Variants in NEB observed in about 807,000 individuals in gnomAD.
NEB encodes the protein nebulin.
Under a neutral mutation model 952.2 loss-of-function variants are expected in NEB, and 512 were observed. The ratio of observed to expected loss-of-function variants is 0.54; its 90% CI spans 0.50 to 0.58. The LOEUF (loss-of-function observed/expected upper bound fraction) is 0.58. Among genes scored for constraint, NEB ranks in the 20% least tolerant of loss-of-function variants. NEB has a pLI of 0.00. For missense variants in NEB, 8,428 were observed against 9,231.1 expected, an observed-to-expected ratio of 0.91 and a Z score of 3.56; for synonymous variants, 2,900 against 3,149.8, an observed-to-expected ratio of 0.92 and a Z score of 2.66.
Position 151,583,572 on chromosome 2 carries a change from C to T in NEB, c.15858G>A (p.Lys5286=). The change falls in exon 101 of 182, where the codon AAG becomes AAA. Residue 5286 remains lysine, a synonymous_variant. Coordinates refer to ENST00000397345, the MANE Select transcript of NEB (RefSeq NM_001164508.2). Reference sequence around the variant, plus strand: ...TGTCGCTAACCAGGACCTGGCATTTCTTGGCTTGAACAATTGACATCATGT... The same window carrying T: ...TGTCGCTAACCAGGACCTGGCATTTTTTGGCTTGAACAATTGACATCATGT... ...PLDMMSIVQA[K]KCQVLVSDID... is the part of the protein sequence containing the mutation. 2.5e-6 allele frequency: 1 copy of T among 392,828 alleles called. No homozygotes were observed. The allele number at this position is 392,828 out of a possible 1,614,324, so 24.3% of individuals were successfully genotyped here.
At chr2:151,521,844 G>A (rs1466232365) in intron 153 of NEB, among the ~76,000 whole-genome samples, 1 of 152,162 alleles carries the variant, frequency 6.6e-6, no homozygotes, top group Non-Finnish European at 1.5e-5. Context: ...ATGAATCTGA[G>A]TTCAGCACTT....
rs1408540168 is a variant in NEB, at chr2:151,489,989, A to G, written c.25386T>C (p.Ser8462=). ...TQQTTVSSIP[S]HPSTAGKIFR... The stretch of plus-strand genomic sequence containing the variant: ...CACTTACTCCAGCAGTAGATGGATG[A>G]GATGGGATGGAAGATACCGTTGTCT... Residue 8462 remains serine (S), a synonymous_variant, in exon 181 of 182, where the codon TCT becomes TCC. Coordinates refer to ENST00000397345, the MANE Select transcript of NEB (RefSeq NM_001164508.2). 2 of 1,604,342 alleles carry G rather than the reference A, an allele frequency of 1.2e-6. No individual in the cohort carries two copies. Among genetic ancestry groups the G allele is most frequent in the South Asian group, 2.2e-5 (2 of 90,880 alleles).
In NEB at chr2:151,571,934, A is replaced by AT. The variant is rs771618392; in HGVS notation, c.17014-1334dup. ...GTAAGCATGGACAGGTTTTATATGA[A>AT]TTTTCAATCAAGCTTTTGTATAAAT... On this transcript the variant is annotated intron_variant, in intron 107 of 181. Coordinates refer to ENST00000397345, the MANE Select transcript of NEB (RefSeq NM_001164508.2). 6.6e-5 allele frequency among the ~76,000 whole-genome samples: 10 copies of AT among 152,294 alleles called. No homozygotes were observed. In the East Asian group the frequency reaches 1.9e-3, roughly 29 times the overall value.
At chr2:151,521,690 G>A (rs550390253) in intron 153 of NEB, among the ~76,000 whole-genome samples, 11 of 152,128 alleles carry the variant, frequency 7.2e-5, no homozygotes, top group Non-Finnish European at 1.5e-4. Context: ...TATTTTTCAA[G>A]CAGCAATCCC....
chr2:151,503,972 T>C (rs985304385), intron 165 of NEB, among the ~76,000 whole-genome samples: 2 of 152,154 alleles, frequency 1.3e-5, no homozygotes, highest in African/African-American at 4.8e-5. Flanking sequence ...AGGAAGAGCA[T>C]CTTTACCTGA....
Position 151,541,449 on chromosome 2 carries a change from G to T in NEB, c.20680C>A (p.Gln6894Lys). Reference sequence around the variant, plus strand: ...GGCTTATGAACCTCTGAGCTTACCTGACTCTGAAGCTTCTGCCCTCGCTTG... The same window carrying T: ...GGCTTATGAACCTCTGAGCTTACCTTACTCTGAAGCTTCTGCCCTCGCTTG... ...RAKRGQKLQSQYLYVELATKE... is the reference protein window; with the variant it reads ...RAKRGQKLQSKYLYVELATKE... Residue 6894 changes from glutamine (Q) to lysine (K), a missense_variant and splice_region_variant, in exon 136 of 182, where the codon CAG becomes AAG. By Grantham distance (53) the Gln-to-Lys change is moderately conservative. Coordinates refer to ENST00000397345, the MANE Select transcript of NEB (RefSeq NM_001164508.2). The T allele has an allele frequency of 6.2e-7, 1 of 1,610,454 alleles. No individual in the cohort carries two copies. Among genetic ancestry groups the T allele is most frequent in the South Asian group, 1.1e-5 (1 of 90,442 alleles).
intron 162 of NEB, 183 bp from the exon 163 acceptor site, chr2:151,507,196 A>T: frequency 1.8e-6 from 1 of 551,250 alleles, no homozygotes; most frequent in South Asian, 2.3e-5. Context: ...AACTAATTTT[A>T]AAAAACATAT....
chr2:151,500,181 G>T (rs1418192953), intron 168 of NEB, among the ~76,000 whole-genome samples: 1 of 152,078 alleles, frequency 6.6e-6, no homozygotes, highest in Admixed American at 6.6e-5. Context: ...GATTGTTAGT[G>T]AATAGTAATT....
chr2:151,717,291 A>G (rs561358756), intron 10 of NEB, 125 bp downstream of exon 10: 971 of 719,616 alleles, frequency 1.3e-3, no homozygotes, highest in Admixed American at 2.2e-3. Flanking sequence ...TTTGGGGATC[A>G]TATGTAAAAA....
chr2:151,514,362 G>T lies in NEB; in HGVS notation c.23083C>A (p.Pro7695Thr), dbSNP rs757006805. The change falls in exon 159 of 182, where the codon CCT (proline) becomes ACT (threonine). Residue 7695 changes from proline to threonine, a missense_variant. Physicochemically the swap from Pro to Thr is conservative, Grantham distance 38. Around this residue, in one of 11 missense-constraint regions of NEB, gnomAD observed 3,374 missense variants for 3,651.5 expected, o/e 0.92. Coordinates refer to ENST00000397345, the MANE Select transcript of NEB (RefSeq NM_001164508.2). The part of the protein sequence containing the change: ...GKGLTEMEDT[P>T]DMLRAKNATQ... ...GCATTCTTTGCTCTTAGCATGTCAG[G>T]TGTATCTTCCATTTCAGTGAGGCCC... 1.6e-5 allele frequency: 26 copies of T among 1,613,682 alleles called. No homozygotes were observed. Among genetic ancestry groups the T allele is most frequent in the Admixed American group, 3.3e-5 (2 of 60,002 alleles).
At position 151,515,543 on chromosome 2, in the gene NEB, C is replaced by T. The variant is rs567311565; in HGVS notation, c.22906-615G>A. Among the ~76,000 whole-genome samples, 3 of 152,222 alleles carry T rather than the reference C, an allele frequency of 2.0e-5. No individual in the cohort carries two copies. In the East Asian group the frequency reaches 5.8e-4, roughly 29 times the overall value. On this transcript the variant is annotated intron_variant, in intron 157 of 181. Transcript: ENST00000397345. The stretch of plus-strand genomic sequence containing the variant: ...CTGTTTTTTAAAAATCACTGAATAG[C>T]TTAGGTGGGCAGTGAGGCACAGAGG...
chr2:151,497,598 T>C, intron 171 of NEB, 28 bp downstream of exon 171: 3 of 1,546,534 alleles, frequency 1.9e-6, no homozygotes, highest in Non-Finnish European at 2.6e-6. Flanking sequence ...ATTAAATAAG[T>C]AGTTTTTTTC....
At position 151,547,627 on chromosome 2, in the gene NEB, T is replaced by C; in HGVS notation, c.20262+7A>G. 6.2e-7 allele frequency: 1 copy of C among 1,612,968 alleles called. No homozygotes were observed. Among genetic ancestry groups the C allele is most frequent in the Non-Finnish European group, 8.5e-7 (1 of 1,179,128 alleles). On this transcript the variant is annotated splice_region_variant and intron_variant, in intron 132 of 181. Coordinates refer to ENST00000397345, the MANE Select transcript of NEB (RefSeq NM_001164508.2). ...CTACTCCCTGTCTTTCCTAAGAAAA[T>C]ACCCACCTCACTGACAGCCTCTTGT...
intron 12 of NEB, 141 bp downstream of exon 12, chr2:151,709,515 C>T: frequency 1.7e-6 from 1 of 582,418 alleles, no homozygotes; most frequent in Non-Finnish European, 3.0e-6. Flanking sequence ...TTTCAAATGC[C>T]TCACATCCAC....
chr2:151,673,243 A>C (rs1357520313), intron 36 of NEB, among the ~76,000 whole-genome samples: 2 of 152,242 alleles, frequency 1.3e-5, no homozygotes, highest in African/African-American at 2.4e-5. Context: ...TGCTGGAATC[A>C]GCAATGTGAT....
intron 48 of NEB, among the ~76,000 whole-genome samples, chr2:151,657,549 T>C (rs2099098752): frequency 6.6e-6 from 1 of 152,178 alleles, no homozygotes; most frequent in Non-Finnish European, 1.5e-5. Flanking sequence ...AACAACTGGT[T>C]TGCAAAAATT....
rs1483099587 is a variant in NEB at position 151,579,445 on chromosome 2, C to A, written c.16597G>T (p.Ala5533Ser). 11 of 1,529,248 alleles carry A rather than the reference C, an allele frequency of 7.2e-6. 1 individual carries two copies. The South Asian group carries it at 1.2e-4, about 17-fold the overall frequency. 94.7% of individuals were successfully genotyped at this position (1,529,248 alleles called of 1,614,324 possible). Residue 5533 changes from alanine to serine, a missense_variant, in exon 105 of 182, where the codon GCA (alanine) becomes TCA (serine). Ala to Ser is a moderately conservative substitution (Grantham distance 99). Transcript: ENST00000397345. ...VSISAAKEGQ[A>S]LASDVDYRHY... ...CGATAGTCCACATCACTTGCCAGTGCCTGACCTTCTTTGGCAGCGCTGATG... is the reference window on the plus strand; with the variant it reads ...CGATAGTCCACATCACTTGCCAGTGACTGACCTTCTTTGGCAGCGCTGATG...
rs562467957 is a variant in NEB at position 151,568,974 on chromosome 2, T to C, written c.17536-258A>G. On this transcript the variant is annotated intron_variant, in intron 110 of 181. Coordinates refer to ENST00000397345, the MANE Select transcript of NEB (RefSeq NM_001164508.2). ...ATATAATGTATCATTATGTGTACTGTAATGCACATTTTTCCAACGAAACAA... is the reference window on the plus strand; with the variant it reads ...ATATAATGTATCATTATGTGTACTGCAATGCACATTTTTCCAACGAAACAA... Among the ~76,000 whole-genome samples the C allele has an allele frequency of 2.6e-5, 4 of 152,340 alleles. No homozygotes were observed. The South Asian group carries it at 8.3e-4, about 32-fold the overall frequency.
In NEB at chr2:151,640,019, G is replaced by A. The variant is rs1205150386; in HGVS notation, c.8727C>T (p.Gly2909=). Residue 2909 remains glycine, a synonymous_variant, in exon 62 of 182, where the codon GGC becomes GGT. Coordinates refer to ENST00000397345, the MANE Select transcript of NEB (RefSeq NM_001164508.2). ...KSDLQWMRGI[G]WVSIGSLDVE... ...CATCCAAAGAGCCAATGGACACCCA[G>A]CCAATGCCTCTCATCCACTGGAGAT... 3 of 1,613,824 alleles carry A rather than the reference G, an allele frequency of 1.9e-6. No individual in the cohort carries two copies. The African/African-American group carries it at 4.0e-5, about 22-fold the overall frequency.
Sources: gnomAD v4.1 joint callset for allele counts (sites outside exome capture counted in the v4.1 genomes callset) on GRCh38, gnomAD v4.1.1 for gene constraint, gnomAD v4.1.1 regional missense constraint, MANE v1.5 for transcripts, NCBI Gene and HGNC (gene_info 2026-07-23, HGNC 2026-07-21) for gene names.